TCF4: variants seen among roughly 807,000 people sequenced by gnomAD.
TCF4 encodes the protein transcription factor 4, also known as SL3-3 enhancer factor 2.
TCF4 carries 3 observed loss-of-function variants against 82.1 expected under a neutral mutation model. The ratio of observed to expected loss-of-function variants is 0.04; its 90% confidence interval spans 0.02 to 0.09. The LOEUF (loss-of-function observed/expected upper bound fraction) is 0.09, where lower values mean the gene tolerates loss of function less well. Among genes scored for constraint, TCF4 ranks in the 10% least tolerant of loss-of-function variants. The pLI is 1.00. For synonymous variants in TCF4, 276 were observed against 309.6 expected (o/e 0.89, Z 1.14); for missense variants, 518 against 852.7 (o/e 0.61, Z 4.89).
intron 8 of TCF4, among the ~76,000 whole-genome samples, chr18:55,295,848 G>A (rs1385713927): frequency 6.6e-6 from 1 of 151,984 alleles, no homozygotes; most frequent in Non-Finnish European, 1.5e-5. Flanking sequence ...ATTCATCCTT[G>A]CACTTCACTT....
chr18:55,486,657 G>C (rs1333818322), intron 3 of TCF4, among the ~76,000 whole-genome samples: 1 of 152,136 alleles, frequency 6.6e-6, no homozygotes, highest in Non-Finnish European at 1.5e-5. Flanking sequence ...AGAGCACAAA[G>C]AAGTGAATTC....
At chr18:55,397,763 C>G (rs1338247628) in intron 6 of TCF4, among the ~76,000 whole-genome samples, 1 of 152,042 alleles carries the variant, frequency 6.6e-6, no homozygotes, top group Non-Finnish European at 1.5e-5. Context: ...AGGCAAATGT[C>G]TTATTTTTAA....
intron 2 of TCF4, among the ~76,000 whole-genome samples, chr18:55,621,059 T>A (rs2097717467): frequency 1.3e-5 from 2 of 152,014 alleles, no homozygotes; most frequent in South Asian, 4.1e-4. Context: ...AATAAAGAAA[T>A]CAGAGCTTAG....
At chr18:55,367,889 C>T (rs1362260011) in intron 6 of TCF4, among the ~76,000 whole-genome samples, 1 of 152,192 alleles carries the variant, frequency 6.6e-6, no homozygotes, top group Non-Finnish European at 1.5e-5. Context: ...TTACTTATGG[C>T]TATTTTGCAA....
intron 3 of TCF4, among the ~76,000 whole-genome samples, chr18:55,553,702 C>T (rs2097279736): frequency 3.3e-5 from 5 of 152,222 alleles, no homozygotes; most frequent in Middle Eastern, 3.4e-3. Context: ...TCATAACATT[C>T]AAGGATTTGG....
At chr18:55,349,470 C>T (rs972562513) in intron 8 of TCF4, among the ~76,000 whole-genome samples, 1 of 151,738 alleles carries the variant, frequency 6.6e-6, no homozygotes, top group Non-Finnish European at 1.5e-5. Context: ...AGTATAAAAA[C>T]AATAAGTCTC....
chr18:55,380,199 T>C (rs376093290), intron 6 of TCF4, among the ~76,000 whole-genome samples: 3 of 152,240 alleles, frequency 2.0e-5, no homozygotes, highest in African/African-American at 7.2e-5. Flanking sequence ...GATTTACAGA[T>C]GACCATCTTC....
chr18:55,587,030 A>C lies in TCF4; in HGVS notation c.72+15T>G, dbSNP rs34555808. ...TTTTTCACAGCTGTTGTTAGTTTCC[A>C]CCGTTCTTTCTTACCGCACTGAAAT... On this transcript the variant is annotated intron_variant, in intron 2 of 19. Coordinates refer to ENST00000354452, the MANE Select transcript of TCF4 (RefSeq NM_001083962.2). 6.2e-7 allele frequency: 1 copy of C among 1,612,000 alleles called. No individual in the cohort carries two copies. The highest frequency in any genetic ancestry group is 8.5e-7 in the Non-Finnish European group (1 of 1,178,414).
At chr18:55,403,605 C>A in intron 5 of TCF4, 87 bp from the exon 6 acceptor site, 1 of 1,612,716 alleles carries the variant, frequency 6.2e-7, no homozygotes, top group South Asian at 1.1e-5. Context: ...ACTGCTCTTC[C>A]CCGATGTTTA....
chr18:55,585,160 T>G (rs1384140472), intron 3 of TCF4, 120 bp downstream of exon 3: 2 of 899,482 alleles, frequency 2.2e-6, no homozygotes, highest in Non-Finnish European at 3.7e-6. Context: ...AATAACCGTA[T>G]GATTACAGGC....
intron 6 of TCF4, among the ~76,000 whole-genome samples, chr18:55,373,651 A>G (rs542612672): frequency 6.6e-6 from 1 of 151,610 alleles, no homozygotes; most frequent in African/African-American, 2.4e-5. Flanking sequence ...CATCTCTACT[A>G]AAAAAAACAA....
chr18:55,501,266 G>A (rs1332549806), intron 3 of TCF4, among the ~76,000 whole-genome samples: 1 of 151,894 alleles, frequency 6.6e-6, no homozygotes, highest in East Asian at 1.9e-4. Context: ...AGTTTCCAGT[G>A]CCTTAATTTT....
Position 55,234,584 on chromosome 18 carries a change from A to G in TCF4, c.1450T>C (p.Ser484Pro). The change falls in exon 16 of 20, where the codon TCC becomes CCC. Residue 484 changes from serine to proline, a missense_variant. By Grantham distance (74) the Ser-to-Pro change is moderately conservative (BLOSUM62 -1). Coordinates refer to ENST00000354452, the MANE Select transcript of TCF4 (RefSeq NM_001083962.2). The part of the protein sequence containing the change: ...VPQLPVQSAT[S>P]PDLNPPQDPY... ...TCCTGGGGTGGGTTCAGGTCAGGGG[A>G]AGTCGCAGACTGGACAGGAAGCTGT... is the stretch of plus-strand genomic sequence containing the variant. 1.2e-6 allele frequency: 2 copies of G among 1,614,100 alleles called. No individual in the cohort carries two copies. The highest frequency in any genetic ancestry group is 1.7e-6 in the Non-Finnish European group (2 of 1,179,992).
chr18:55,231,516 T>G (rs1477877594), intron 17 of TCF4: 1 of 152,188 alleles, frequency 6.6e-6, no homozygotes, highest in Non-Finnish European at 1.5e-5. Flanking sequence ...AAAGAATCCA[T>G]TAACATGCAT....
At chr18:55,253,479 G>A (rs2055871835) in intron 15 of TCF4, among the ~76,000 whole-genome samples, 1 of 152,014 alleles carries the variant, frequency 6.6e-6, no homozygotes, top group Non-Finnish European at 1.5e-5. Context: ...CACCACTCTG[G>A]TCACCTCATT....
intron 3 of TCF4, among the ~76,000 whole-genome samples, chr18:55,473,616 G>A (rs1039855753): frequency 1.3e-5 from 2 of 152,098 alleles, no homozygotes; most frequent in Admixed American, 1.3e-4. Context: ...AATGACAAAT[G>A]ATCAATCTTG....
chr18:55,514,601 CAA>C (rs2096862683), intron 3 of TCF4, among the ~76,000 whole-genome samples: 1 of 152,130 alleles, frequency 6.6e-6, no homozygotes, highest in African/African-American at 2.4e-5. Flanking sequence ...CTGATTATCT[CAA>C]TTCTTAAACT....
rs532464284 is a variant in TCF4, at chr18:55,341,450, G to A, written c.549+8909C>T. Among the ~76,000 whole-genome samples the A allele has an allele frequency of 2.6e-5, 4 of 152,192 alleles. No individual in the cohort carries two copies. In the East Asian group the frequency reaches 7.7e-4, roughly 29 times the overall value. Reference sequence around the variant, plus strand: ...GGAATAAGTACTTTGATAAAGGTTTGTTATCAGTATATTGACACCACCTTA... The same window carrying A: ...GGAATAAGTACTTTGATAAAGGTTTATTATCAGTATATTGACACCACCTTA... On this transcript the variant is annotated intron_variant, in intron 8 of 19. Transcript: ENST00000354452.
At chr18:55,275,339 A>AT (rs2061301540) in intron 10 of TCF4, among the ~76,000 whole-genome samples, 1 of 151,698 alleles carries the variant, frequency 6.6e-6, no homozygotes. Flanking sequence ...TTAAATAGGT[A>AT]TCTATTTATG....
Sources: gnomAD v4.1 joint callset for allele counts (sites outside exome capture counted in the v4.1 genomes callset) on GRCh38, gnomAD v4.1.1 for gene constraint, MANE v1.5 for transcripts, NCBI Gene and HGNC (gene_info 2026-07-23, HGNC 2026-07-21) for gene names.